The following SYT14 variants were observed in gnomAD, a reference collection of about 807,000 sequenced individuals.
SYT14 encodes the protein synaptotagmin 14, also known as synaptotagmin-14.
A neutral mutation model predicts 74.2 loss-of-function variants in SYT14; 32 were observed. That is an observed-to-expected ratio of 0.43 (90% CI 0.33 to 0.58). SYT14 has a LOEUF of 0.58. SYT14 is among the 20% of genes least tolerant of loss of function. SYT14 has a pLI of 0.05. For missense variants in SYT14, 791 were observed against 981.8 expected, an observed-to-expected ratio of 0.81 and a Z score of 2.60; for synonymous variants, 298 against 337.7, an observed-to-expected ratio of 0.88 and a Z score of 1.29.
At chr1:210,043,513 A>G (rs2080832191) in intron 5 of SYT14, among the ~76,000 whole-genome samples, 1 of 152,224 alleles carries the variant, frequency 6.6e-6, no homozygotes, top group Non-Finnish European at 1.5e-5. Context: ...ATGGTAATCC[A>G]AATGGCATAT....
At chr1:210,140,172 T>G (rs1572367792) in intron 7 of SYT14, among the ~76,000 whole-genome samples, 1 of 152,206 alleles carries the variant, frequency 6.6e-6, no homozygotes, top group Admixed American at 6.5e-5. Flanking sequence ...TAAAGTGGTA[T>G]CTTATTATGG....
intron 5 of SYT14, among the ~76,000 whole-genome samples, chr1:210,093,436 T>A (rs1240329337): frequency 2.0e-5 from 3 of 151,682 alleles, no homozygotes; most frequent in Non-Finnish European, 4.4e-5. Flanking sequence ...ACTTAGCTGT[T>A]CTTAAATTAT....
intron 2 of SYT14, among the ~76,000 whole-genome samples, chr1:209,980,327 C>T (rs1208840536): frequency 1.3e-5 from 2 of 151,798 alleles, no homozygotes; most frequent in Admixed American, 1.3e-4. Context: ...GTTTAAGTTC[C>T]TTGTAGATGC....
At chr1:210,065,443 C>G (rs1309395780) in intron 5 of SYT14, among the ~76,000 whole-genome samples, 1 of 152,040 alleles carries the variant, frequency 6.6e-6, no homozygotes, top group Non-Finnish European at 1.5e-5. Flanking sequence ...CTTCCACCTT[C>G]TGCCATGTTT....
At chr1:209,985,078 C>A (rs1479750227) in intron 2 of SYT14, among the ~76,000 whole-genome samples, 1 of 152,246 alleles carries the variant, frequency 6.6e-6, no homozygotes, top group Non-Finnish European at 1.5e-5. Context: ...CACAAAATCT[C>A]ATGTCCTTCT....
At chr1:210,023,905 A>G (rs1235128378) in intron 5 of SYT14, among the ~76,000 whole-genome samples, 2 of 152,234 alleles carry the variant, frequency 1.3e-5, no homozygotes, top group Non-Finnish European at 2.9e-5. Context: ...GTGTGATAAA[A>G]TGTAGCGAAT....
In SYT14 at chr1:209,985,049, A is replaced by G. The variant is rs143433722; in HGVS notation, c.-485-28584A>G. On this transcript the variant is annotated intron_variant, in intron 2 of 9. Coordinates refer to ENST00000637265, the Ensembl canonical transcript of SYT14. ...GGGTGGGGACAGATATACAAGCTATATCATTCCACCCCTGGCCCCACAAAA... is the reference window on the plus strand; with the variant it reads ...GGGTGGGGACAGATATACAAGCTATGTCATTCCACCCCTGGCCCCACAAAA... 2.5e-3 allele frequency among the ~76,000 whole-genome samples: 378 copies of G among 152,316 alleles called. 1 individual carries two copies. Among genetic ancestry groups the G allele is most frequent in the African/African-American group, 5.5e-3 (230 of 41,562 alleles).
At chr1:210,128,465 CAT>C (rs1176011704) in intron 7 of SYT14, among the ~76,000 whole-genome samples, 1 of 152,002 alleles carries the variant, frequency 6.6e-6, no homozygotes, top group Non-Finnish European at 1.5e-5. Flanking sequence ...GTTTGCAACT[CAT>C]ATACAATATT....
At chr1:210,086,493 T>C (rs1337633938) in intron 5 of SYT14, among the ~76,000 whole-genome samples, 1 of 152,204 alleles carries the variant, frequency 6.6e-6, no homozygotes, top group Non-Finnish European at 1.5e-5. Context: ...TATTTGTCCT[T>C]TTGACATATC....
At chr1:210,074,137 C>G (rs2081446219) in intron 5 of SYT14, among the ~76,000 whole-genome samples, 1 of 152,132 alleles carries the variant, frequency 6.6e-6, no homozygotes, top group Non-Finnish European at 1.5e-5. Context: ...CTGAGCCTCA[C>G]CTACCTCAGG....
chr1:210,151,999 T>C (rs1337361297), intron 7 of SYT14, among the ~76,000 whole-genome samples: 3 of 152,202 alleles, frequency 2.0e-5, no homozygotes, highest in Non-Finnish European at 4.4e-5. Flanking sequence ...TTGTGAAAAA[T>C]GTATCTCACA....
At chr1:210,093,113 CT>C (rs36065521) in intron 5 of SYT14, among the ~76,000 whole-genome samples, 5 of 145,862 alleles carry the variant, frequency 3.4e-5, no homozygotes, top group South Asian at 4.4e-4. Context: ...TTTAGTTTTT[CT>C]TTTTTTTTTC....
At chr1:210,139,381 A>T (rs2082868730) in intron 7 of SYT14, among the ~76,000 whole-genome samples, 1 of 150,940 alleles carries the variant, frequency 6.6e-6, no homozygotes, top group African/African-American at 2.4e-5. Context: ...CCCAGCCAAA[A>T]GGGTACTTTT....
At chr1:209,993,887 G>T (rs1453388519) in intron 2 of SYT14, among the ~76,000 whole-genome samples, 1 of 152,178 alleles carries the variant, frequency 6.6e-6, no homozygotes, top group Non-Finnish European at 1.5e-5. Context: ...CTGGATTGTA[G>T]CCCAAACTGC....
At chr1:210,135,708 C>T (rs139548270) in intron 7 of SYT14, among the ~76,000 whole-genome samples, 100 of 152,058 alleles carry the variant, frequency 6.6e-4, no homozygotes, top group Non-Finnish European at 1.1e-3. Context: ...TTTGTTTTCT[C>T]TTACTTTTGA....
At chr1:210,129,647 C>T (rs2082635323) in intron 7 of SYT14, among the ~76,000 whole-genome samples, 1 of 152,188 alleles carries the variant, frequency 6.6e-6, no homozygotes, top group African/African-American at 2.4e-5. Context: ...ACATAATATA[C>T]ATGAAATCCT....
chr1:210,115,948 G>A (rs927177969), intron 7 of SYT14, among the ~76,000 whole-genome samples: 12 of 151,072 alleles, frequency 7.9e-5, no homozygotes, highest in Non-Finnish European at 1.6e-4. Flanking sequence ...GAGAGTCAGC[G>A]AAGAGAGGTA....
chr1:209,987,738 G>T (rs1192437949), intron 2 of SYT14, among the ~76,000 whole-genome samples: 1 of 152,146 alleles, frequency 6.6e-6, no homozygotes, highest in African/African-American at 2.4e-5. Flanking sequence ...CATTTAACTG[G>T]CAAGGACTTC....
At chr1:210,149,288 A>G (rs1282538277) in intron 7 of SYT14, among the ~76,000 whole-genome samples, 1 of 150,200 alleles carries the variant, frequency 6.7e-6, no homozygotes, top group African/African-American at 2.4e-5. Flanking sequence ...AGGTTCAAGC[A>G]ATTTTCATGC....
Sources: allele counts gnomAD v4.1 joint callset (sites outside exome capture counted in the v4.1 genomes callset), GRCh38; gene constraint gnomAD v4.1.1; transcripts MANE v1.5; gene names NCBI Gene and HGNC (gene_info 2026-07-23, HGNC 2026-07-21).